Variants in GALNTL6 observed in about 807,000 individuals in gnomAD.
GALNTL6 encodes the protein polypeptide N-acetylgalactosaminyltransferase-like 6.
GALNTL6 carries 46 observed loss-of-function variants against 73.7 expected under a neutral mutation model. The ratio of observed to expected loss-of-function variants is 0.62; its 90% CI spans 0.49 to 0.80. GALNTL6 has a LOEUF of 0.80. GALNTL6 is among the 30% of genes least tolerant of loss of function. The probability of loss-of-function intolerance (pLI) is 0.00; values close to 1 mark genes in which losing one functional copy is unlikely to be tolerated. For synonymous variants in GALNTL6, 259 were observed against 263.7 expected (o/e 0.98, Z 0.17); for missense variants, 604 against 755.0 (o/e 0.80, Z 2.34).
intron 5 of GALNTL6, among the ~76,000 whole-genome samples, chr4:172,620,995 C>T (rs1330595385): frequency 6.6e-6 from 1 of 152,132 alleles, no homozygotes; most frequent in African/African-American, 2.4e-5. Context: ...CTTTTTGTGA[C>T]CTAGCATTAA....
At chr4:172,721,912 A>G (rs1735496424) in intron 5 of GALNTL6, among the ~76,000 whole-genome samples, 1 of 152,126 alleles carries the variant, frequency 6.6e-6, no homozygotes, top group Non-Finnish European at 1.5e-5. Context: ...CACTGCCAGC[A>G]TCATTAGGGC....
At chr4:172,019,489 A>G (rs1369692805) in intron 2 of GALNTL6, among the ~76,000 whole-genome samples, 1 of 152,156 alleles carries the variant, frequency 6.6e-6, no homozygotes, top group Non-Finnish European at 1.5e-5. Flanking sequence ...TTTCATGCTA[A>G]AAGAAACCAA....
chr4:172,338,224 C>A (rs1242522615), intron 4 of GALNTL6, among the ~76,000 whole-genome samples: 1 of 152,062 alleles, frequency 6.6e-6, no homozygotes, highest in Non-Finnish European at 1.5e-5. Flanking sequence ...TATCATTCAT[C>A]TTCCTTGCAA....
intron 5 of GALNTL6, among the ~76,000 whole-genome samples, chr4:172,568,014 G>A (rs1332543874): frequency 6.6e-6 from 1 of 152,042 alleles, no homozygotes; most frequent in Non-Finnish European, 1.5e-5. Context: ...TACGAATTCA[G>A]GAATTCTTAA....
chr4:172,993,484 T>G (rs1242441758), intron 10 of GALNTL6, among the ~76,000 whole-genome samples: 1 of 152,220 alleles, frequency 6.6e-6, no homozygotes, highest in East Asian at 1.9e-4. Flanking sequence ...TAAGGCAAGC[T>G]TCTCCTGAAG....
chr4:172,739,311 G>A (rs150389769), intron 5 of GALNTL6, among the ~76,000 whole-genome samples: 83 of 152,192 alleles, frequency 5.5e-4, no homozygotes, highest in African/African-American at 1.9e-3. Context: ...AACTTTCTAA[G>A]GTATGTTAGA....
At chr4:172,252,432 T>G (rs1737914244) in intron 3 of GALNTL6, among the ~76,000 whole-genome samples, 1 of 152,114 alleles carries the variant, frequency 6.6e-6, no homozygotes, top group South Asian at 2.1e-4. Context: ...CTCTTCTGAA[T>G]AAAATATTCT....
intron 5 of GALNTL6, among the ~76,000 whole-genome samples, chr4:172,656,575 A>C (rs1307570137): frequency 6.6e-6 from 1 of 152,132 alleles, no homozygotes. Flanking sequence ...TTCTTTACCC[A>C]TGTATGCAAT....
At chr4:172,765,327 T>G (rs1204016949) in intron 5 of GALNTL6, among the ~76,000 whole-genome samples, 1 of 152,200 alleles carries the variant, frequency 6.6e-6, no homozygotes, top group Non-Finnish European at 1.5e-5. Flanking sequence ...AAGTGATATA[T>G]TAGAAAATTT....
At chr4:172,244,174 A>T (rs1325625358) in intron 3 of GALNTL6, among the ~76,000 whole-genome samples, 1 of 152,192 alleles carries the variant, frequency 6.6e-6, no homozygotes. Flanking sequence ...ACTTTTAATG[A>T]AATATTTCCT....
At chr4:172,819,488 C>T (rs1398060260) in intron 7 of GALNTL6, among the ~76,000 whole-genome samples, 1 of 152,192 alleles carries the variant, frequency 6.6e-6, no homozygotes, top group Non-Finnish European at 1.5e-5. Flanking sequence ...CTAAGCTATA[C>T]AGTCTAAATG....
At chr4:172,301,054 C>G (rs921649766) in intron 3 of GALNTL6, among the ~76,000 whole-genome samples, 4 of 152,114 alleles carry the variant, frequency 2.6e-5, no homozygotes, top group Non-Finnish European at 5.9e-5. Flanking sequence ...TTCTTGGAGG[C>G]TTTGTTCGTT....
rs1249481153 is a variant in GALNTL6 at position 171,813,607 on chromosome 4, G to C, written c.-553G>C. On this transcript the variant is annotated 5_prime_UTR_variant, in exon 1 of 13. Transcript: ENST00000506823. The surrounding 1 kb of genome is among the most constrained non-coding windows in gnomAD (Gnocchi z 5.2). Reference sequence around the variant, plus strand: ...AAAAAATATTGCCCTTTAGGTGCTCGTGATGGTCCTGTGGGTTCGTTCAGT... The same window carrying C: ...AAAAAATATTGCCCTTTAGGTGCTCCTGATGGTCCTGTGGGTTCGTTCAGT... 2.0e-4 allele frequency: 30 copies of C among 152,340 alleles called. No homozygotes were observed. The allele number at this position is 152,340 out of a possible 1,614,324, so 9.4% of individuals were successfully genotyped here.
chr4:172,953,099 T>C (rs944864266), intron 10 of GALNTL6, among the ~76,000 whole-genome samples: 2 of 152,214 alleles, frequency 1.3e-5, no homozygotes, highest in African/African-American at 2.4e-5. Context: ...GGCAGCCACA[T>C]TGATTCTTTA....
chr4:172,074,393 C>CA (rs1295526662), intron 2 of GALNTL6, among the ~76,000 whole-genome samples: 1 of 151,934 alleles, frequency 6.6e-6, no homozygotes, highest in Non-Finnish European at 1.5e-5. Flanking sequence ...GCAAAACAAA[C>CA]AAAAAAACAA....
At chr4:172,570,415 A>G (rs1392505139) in intron 5 of GALNTL6, among the ~76,000 whole-genome samples, 1 of 152,168 alleles carries the variant, frequency 6.6e-6, no homozygotes, top group African/African-American at 2.4e-5. Flanking sequence ...GTTCCTCAAA[A>G]TGCATATGTT....
intron 2 of GALNTL6, among the ~76,000 whole-genome samples, chr4:171,905,508 C>A: frequency 6.7e-6 from 1 of 150,192 alleles, no homozygotes. Flanking sequence ...CCTGAGTGAC[C>A]TACAAAGAGA....
rs1443001943 is a variant in GALNTL6, at chr4:172,268,500, C to T, written c.247+38736C>T. Among the ~76,000 whole-genome samples the T allele has an allele frequency of 4.6e-5, 7 of 152,176 alleles. No homozygotes were observed. The South Asian group carries it at 6.2e-4, about 14-fold the overall frequency. On this transcript the variant is annotated intron_variant, in intron 3 of 12. Transcript: ENST00000506823. Reference sequence around the variant, plus strand: ...CCAGTAGTTGGATGCAGGTGGCCTCCGCCTAGACTCTTGACCTGGGCAAAG... The same window carrying T: ...CCAGTAGTTGGATGCAGGTGGCCTCTGCCTAGACTCTTGACCTGGGCAAAG...
intron 3 of GALNTL6, among the ~76,000 whole-genome samples, chr4:172,265,581 A>G (rs1466769191): frequency 6.6e-6 from 1 of 152,102 alleles, no homozygotes; most frequent in Non-Finnish European, 1.5e-5. Context: ...TAAGAAAGAA[A>G]GCTCTTATTG....
Sources: allele counts gnomAD v4.1 joint callset (sites outside exome capture counted in the v4.1 genomes callset), GRCh38; gene constraint gnomAD v4.1.1; non-coding constraint Gnocchi (gnomAD v3.1); transcripts MANE v1.5; gene names NCBI Gene and HGNC (gene_info 2026-07-23, HGNC 2026-07-21).